RPS6KC1: variants seen among roughly 807,000 people sequenced by gnomAD.
RPS6KC1 encodes ribosomal protein S6 kinase C1.
Under a neutral mutation model 103.8 loss-of-function variants are expected in RPS6KC1, and 54 were observed. The ratio of observed to expected loss-of-function variants is 0.52; its 90% CI spans 0.42 to 0.65. RPS6KC1 has a LOEUF of 0.65. Ranked by LOEUF, RPS6KC1 falls within the 30% of genes least tolerant of loss-of-function variation. The pLI is 0.00. For missense variants in RPS6KC1, 1,151 were observed against 1,253.8 expected (o/e 0.92, Z 1.24); for synonymous variants, 439 against 438.7 (o/e 1.00, Z -0.01).
chr1:213,860,270 T>C, the RPS6KC1 span, among the ~76,000 whole-genome samples: 1 of 151,830 alleles, frequency 6.6e-6, no homozygotes, highest in Non-Finnish European at 1.5e-5. Context: ...TTCTTTACTA[T>C]AAACCCTGAA....
the RPS6KC1 span, among the ~76,000 whole-genome samples, chr1:213,402,071 G>C: frequency 3.3e-5 from 5 of 150,220 alleles, no homozygotes; most frequent in African/African-American, 4.8e-5. Flanking sequence ...CACCTGGCCT[G>C]AGTGTATTTT....
intron 6 of RPS6KC1, among the ~76,000 whole-genome samples, chr1:213,151,770 T>G (rs1186156431): frequency 1.6e-4 from 17 of 103,650 alleles, no homozygotes; most frequent in South Asian, 7.0e-4. Flanking sequence ...GCGGCTGGCC[T>G]GGCGGGGGGC....
chr1:213,518,815 T>C, the RPS6KC1 span, among the ~76,000 whole-genome samples: 2 of 152,124 alleles, frequency 1.3e-5, no homozygotes, highest in Non-Finnish European at 2.9e-5. Flanking sequence ...TAGATATTGA[T>C]AAAGGAGATA....
At chr1:213,511,357 C>T in the RPS6KC1 span, among the ~76,000 whole-genome samples, 1 of 150,614 alleles carries the variant, frequency 6.6e-6, no homozygotes, top group African/African-American at 2.4e-5. Flanking sequence ...CAAGCCGGGG[C>T]TGGCCATCCA....
chr1:213,597,481 A>C, the RPS6KC1 span, among the ~76,000 whole-genome samples: 1 of 152,204 alleles, frequency 6.6e-6, no homozygotes, highest in African/African-American at 2.4e-5. Flanking sequence ...GTAGCCAGGC[A>C]AGAGGACCTG....
chr1:213,235,160 G>A (rs528131678), intron 10 of RPS6KC1, among the ~76,000 whole-genome samples: 1 of 152,284 alleles, frequency 6.6e-6, no homozygotes, highest in Non-Finnish European at 1.5e-5. Flanking sequence ...GAATACTTAC[G>A]ATTTGTGGCT....
chr1:213,808,461 T>TA, the RPS6KC1 span, among the ~76,000 whole-genome samples: 2 of 152,232 alleles, frequency 1.3e-5, no homozygotes, highest in African/African-American at 4.8e-5. Context: ...CTGCTTTGTT[T>TA]ACCCAAGCAA....
chr1:213,366,564 A>G, the RPS6KC1 span, among the ~76,000 whole-genome samples: 1 of 152,248 alleles, frequency 6.6e-6, no homozygotes, highest in Non-Finnish European at 1.5e-5. Context: ...TGTAGCACAA[A>G]AGTAACCACA....
At chr1:213,085,848 G>T (rs1000341151) in intron 3 of RPS6KC1, among the ~76,000 whole-genome samples, 1 of 151,794 alleles carries the variant, frequency 6.6e-6, no homozygotes, top group Non-Finnish European at 1.5e-5. Context: ...TTCACAAATT[G>T]TCCCAGCTTT....
intron 1 of RPS6KC1, among the ~76,000 whole-genome samples, chr1:213,065,234 C>T (rs933552152): frequency 6.6e-6 from 1 of 152,270 alleles, no homozygotes; most frequent in East Asian, 1.9e-4. Context: ...CTCGGCCTCC[C>T]AAAGTGCTGG....
At chr1:213,554,931 C>A in the RPS6KC1 span, among the ~76,000 whole-genome samples, 1 of 152,128 alleles carries the variant, frequency 6.6e-6, no homozygotes, top group East Asian at 1.9e-4. Flanking sequence ...CTTAGGCATA[C>A]CCCTCCGTCA....
At chr1:213,779,636 C>T in the RPS6KC1 span, among the ~76,000 whole-genome samples, 3 of 152,080 alleles carry the variant, frequency 2.0e-5, no homozygotes, top group South Asian at 2.1e-4. Flanking sequence ...GCTAGGAAGC[C>T]GGGAGGAAGT....
At chr1:213,413,310 A>G in the RPS6KC1 span, among the ~76,000 whole-genome samples, 4 of 152,310 alleles carry the variant, frequency 2.6e-5, no homozygotes, top group Admixed American at 2.6e-4. Flanking sequence ...ATATATAATA[A>G]GTTATTGTTA....
chr1:213,570,913 A>G, the RPS6KC1 span, among the ~76,000 whole-genome samples: 1 of 152,240 alleles, frequency 6.6e-6, no homozygotes, highest in East Asian at 1.9e-4. Context: ...AAAAGATGCT[A>G]TGAAATATCT....
At chr1:213,723,128 CG>C in the RPS6KC1 span, among the ~76,000 whole-genome samples, 7 of 152,094 alleles carry the variant, frequency 4.6e-5, no homozygotes, top group African/African-American at 1.7e-4. Flanking sequence ...TGCAGTGAGC[CG>C]AGATCCCGCC....
chr1:213,332,852 G>A, the RPS6KC1 span, among the ~76,000 whole-genome samples: 3 of 152,124 alleles, frequency 2.0e-5, no homozygotes, highest in Admixed American at 1.3e-4. Flanking sequence ...TGACAAAAAT[G>A]ATACAAGCCC....
At chr1:213,406,912 C>G in the RPS6KC1 span, among the ~76,000 whole-genome samples, 2 of 152,180 alleles carry the variant, frequency 1.3e-5, no homozygotes, top group Non-Finnish European at 2.9e-5. Context: ...AGCGCTGAGG[C>G]TTGACCTTAA....
intron 3 of RPS6KC1, among the ~76,000 whole-genome samples, chr1:213,089,701 A>G (rs1207316699): frequency 6.6e-6 from 1 of 151,982 alleles, no homozygotes; most frequent in Non-Finnish European, 1.5e-5. Flanking sequence ...ACCTCAGGTG[A>G]TCCACCTGCC....
chr1:213,568,882 G>A, the RPS6KC1 span, among the ~76,000 whole-genome samples: 1 of 152,238 alleles, frequency 6.6e-6, no homozygotes, highest in African/African-American at 2.4e-5. Flanking sequence ...AGATGAGAGA[G>A]AGGCAGACTC....
Sources: gnomAD v4.1 joint callset for allele counts (sites outside exome capture counted in the v4.1 genomes callset) on GRCh38, gnomAD v4.1.1 for gene constraint, MANE v1.5 for transcripts, NCBI Gene and HGNC (gene_info 2026-07-23, HGNC 2026-07-21) for gene names.